The following DLC1 variants were observed in gnomAD, a reference collection of about 807,000 sequenced individuals.
DLC1 encodes the protein rho GTPase-activating protein 7.
Under a neutral mutation model 140.3 loss-of-function variants are expected in DLC1, and 54 were observed. That is an observed-to-expected ratio of 0.38 (90% CI 0.31 to 0.48). The LOEUF (loss-of-function observed/expected upper bound fraction) is 0.48. DLC1 is among the 20% of genes least tolerant of loss of function. The pLI, the probability that DLC1 is intolerant of heterozygous loss-of-function variation, is 0.96. For missense variants in DLC1, 2,536 were observed against 1,907.0 expected (o/e 1.33, Z -6.14); for synonymous variants, 986 against 728.1 (o/e 1.35, Z -5.70).
intron 1 of DLC1, among the ~76,000 whole-genome samples, chr8:13,540,470 G>A (rs538767716): frequency 8.5e-5 from 13 of 152,108 alleles, no homozygotes; most frequent in Admixed American, 4.6e-4. Context: ...GGTTATTAAC[G>A]TCCGATATTA....
chr8:13,307,369 C>G (rs1049787502), intron 4 of DLC1, among the ~76,000 whole-genome samples: 4 of 152,158 alleles, frequency 2.6e-5, no homozygotes, highest in Non-Finnish European at 5.9e-5. Flanking sequence ...GACTTTTCTT[C>G]TTCTTCAAGA....
In DLC1 at chr8:13,225,916, A is replaced by G. The variant is rs112034960; in HGVS notation, c.1348+79353T>C. Among the ~76,000 whole-genome samples the G allele has an allele frequency of 6.8e-3, 1,031 of 151,948 alleles. 10 individuals are homozygous for G. Among genetic ancestry groups the G allele is most frequent in the African/African-American group, 0.023 (971 of 41,458 alleles). ...AGGCGTGAGCCACCGCGCCTGGCCT[A>G]TTTTTTTATTTTTTGAGAAGCGGTC... On this transcript the variant is annotated intron_variant, in intron 5 of 17. Coordinates refer to ENST00000276297, the MANE Select transcript of DLC1 (RefSeq NM_182643.3).
chr8:13,119,934 A>G (rs1468401362), intron 5 of DLC1, among the ~76,000 whole-genome samples: 1 of 148,490 alleles, frequency 6.7e-6, no homozygotes, highest in Non-Finnish European at 1.5e-5. Flanking sequence ...AAAAACTTAT[A>G]AAAAAATTTT....
chr8:13,476,292 C>A (rs548064024), intron 2 of DLC1, among the ~76,000 whole-genome samples: 1 of 151,858 alleles, frequency 6.6e-6, no homozygotes, highest in Non-Finnish European at 1.5e-5. Flanking sequence ...ACTAATTATC[C>A]CAAGTTTAAT....
intron 4 of DLC1, among the ~76,000 whole-genome samples, chr8:13,390,862 C>T (rs1258505156): frequency 6.6e-6 from 1 of 152,006 alleles, no homozygotes; most frequent in Non-Finnish European, 1.5e-5. Flanking sequence ...GTGGAGGGCA[C>T]CTGTAGTCCC....
At chr8:13,288,989 T>A (rs1831646369) in intron 5 of DLC1, among the ~76,000 whole-genome samples, 1 of 152,216 alleles carries the variant, frequency 6.6e-6, no homozygotes, top group Non-Finnish European at 1.5e-5. Context: ...TGGGCCATTT[T>A]TAGGAATTAC....
chr8:13,089,147 T>G (rs1817824637), intron 15 of DLC1, among the ~76,000 whole-genome samples: 1 of 151,864 alleles, frequency 6.6e-6, no homozygotes, highest in South Asian at 2.1e-4. Flanking sequence ...TAAGTCCAGC[T>G]ACTCAGGAGG....
intron 5 of DLC1, among the ~76,000 whole-genome samples, chr8:13,124,344 G>A (rs1585699854): frequency 1.3e-5 from 2 of 152,116 alleles, no homozygotes; most frequent in Non-Finnish European, 2.9e-5. Flanking sequence ...GAGGGGATTC[G>A]GTGTAAAGGA....
chr8:13,406,116 C>G lies in DLC1; in HGVS notation c.1024-4497G>C, dbSNP rs140010205. Among the ~76,000 whole-genome samples, 1,443 of 148,922 alleles carry G rather than the reference C, an allele frequency of 9.7e-3. 11 individuals are homozygous for G. Among genetic ancestry groups the G allele is most frequent in the Non-Finnish European group, 0.015 (990 of 67,324 alleles). The stretch of plus-strand genomic sequence containing the variant: ...CTGCCTCCCAGGTTCAAGCGATTCT[C>G]CTGCCTCAGCCTCCCGAGTAGCTGG... On this transcript the variant is annotated intron_variant, in intron 2 of 17. Transcript: ENST00000276297.
chr8:13,187,321 G>A (rs1034380434), intron 5 of DLC1, among the ~76,000 whole-genome samples: 25 of 152,030 alleles, frequency 1.6e-4, no homozygotes, highest in Non-Finnish European at 1.9e-4. Context: ...GAAAATAATC[G>A]GCATATAATA....
chr8:13,352,105 G>C (rs1377956162), intron 4 of DLC1, among the ~76,000 whole-genome samples: 1 of 152,146 alleles, frequency 6.6e-6, no homozygotes, highest in Admixed American at 6.5e-5. Context: ...GCTTTTGGGG[G>C]TAGCTTCTGA....
intron 5 of DLC1, among the ~76,000 whole-genome samples, chr8:13,188,801 G>GTGTGTGTA (rs1293675412): frequency 7.0e-5 from 5 of 71,904 alleles, no homozygotes; most frequent in African/African-American, 3.3e-4. Context: ...GTGTGTGTGT[G>GTGTGTGTA]TATATATATA....
At chr8:13,238,419 A>G (rs1188268) in intron 5 of DLC1, among the ~76,000 whole-genome samples, 110,175 of 151,750 alleles carry the variant, frequency 0.73, 40,368 homozygotes, top group East Asian at 0.9. Context: ...GAGGTGAGGC[A>G]GGAGAATCAT....
intron 5 of DLC1, among the ~76,000 whole-genome samples, chr8:13,265,530 G>T (rs781266330): frequency 2.6e-5 from 4 of 152,160 alleles, no homozygotes; most frequent in Non-Finnish European, 4.4e-5. Flanking sequence ...AAGAATGAGA[G>T]CTCGGAATGT....
intron 4 of DLC1, chr8:13,353,426 T>A (rs1436329191): frequency 1.3e-5 from 2 of 151,994 alleles, no homozygotes; most frequent in African/African-American, 4.8e-5. Context: ...CCCCATTGAG[T>A]AATGATGACT....
chr8:13,303,836 A>G lies in DLC1; in HGVS notation c.1348+1433T>C, dbSNP rs562599008. Among the ~76,000 whole-genome samples, 3 of 152,284 alleles carry G rather than the reference A, an allele frequency of 2.0e-5. No homozygotes were observed. The South Asian group carries it at 6.2e-4, about 32-fold the overall frequency. ...TATTAAAAATAAAAATATTTTCAAA[A>G]TATTTGAGAAGCTTGACAGAATGAA... On this transcript the variant is annotated intron_variant, in intron 5 of 17. Transcript: ENST00000276297.
At chr8:13,330,550 A>G (rs140052369) in intron 4 of DLC1, among the ~76,000 whole-genome samples, 214 of 152,244 alleles carry the variant, frequency 1.4e-3, no homozygotes, top group Non-Finnish European at 2.2e-3. Context: ...CTAGATAATT[A>G]TATAGGCCAG....
chr8:13,583,741 G>C (rs2117451716), intron 1 of DLC1: 1 of 152,440 alleles, frequency 6.6e-6, no homozygotes, highest in East Asian at 1.9e-4. Flanking sequence ...CTGTTAGAGA[G>C]TCGGTGTCTC....
chr8:13,193,208 A>G (rs1031120751), intron 5 of DLC1, among the ~76,000 whole-genome samples: 6 of 152,120 alleles, frequency 3.9e-5, no homozygotes, highest in African/African-American at 9.7e-5. Context: ...CACAGCTCTT[A>G]TATTATTATC....
Sources: allele counts gnomAD v4.1 joint callset (sites outside exome capture counted in the v4.1 genomes callset), GRCh38; gene constraint gnomAD v4.1.1; transcripts MANE v1.5; gene names NCBI Gene and HGNC (gene_info 2026-07-23, HGNC 2026-07-21).